The following SPECC1 variants were observed in gnomAD, a reference collection of about 807,000 sequenced individuals.
SPECC1 encodes sperm antigen with calponin homology and coiled-coil domains 1.
In SPECC1, 62 loss-of-function variants were observed where a neutral mutation model predicts 104.1. That is an observed-to-expected ratio of 0.60 (90% confidence interval 0.49 to 0.74). SPECC1 has a LOEUF of 0.74. SPECC1 is among the 30% of genes least tolerant of loss of function. SPECC1 has a pLI of 0.00. For synonymous variants in SPECC1, 513 were observed against 501.6 expected, an observed-to-expected ratio of 1.02 and a Z score of -0.30; for missense variants, 1,306 against 1,310.5, an observed-to-expected ratio of 1.00 and a Z score of 0.05.
chr17:20,281,734 T>G (rs2040778136), intron 12 of SPECC1, among the ~76,000 whole-genome samples: 1 of 152,204 alleles, frequency 6.6e-6, no homozygotes, highest in South Asian at 2.1e-4. Flanking sequence ...ACCATGACCT[T>G]TTTTAGAAGC....
intron 4 of SPECC1, among the ~76,000 whole-genome samples, chr17:20,208,002 TAATG>T (rs1401095462): frequency 6.6e-6 from 1 of 152,252 alleles, no homozygotes; most frequent in Admixed American, 6.5e-5. Context: ...CCTTGGTTGA[TAATG>T]AAAGCATTTA....
intron 1 of SPECC1, among the ~76,000 whole-genome samples, chr17:20,072,707 A>C (rs565259058): frequency 1.3e-5 from 2 of 152,342 alleles, no homozygotes; most frequent in African/African-American, 4.8e-5. Context: ...AGGCTCTGCA[A>C]ACCCATGCCA....
At chr17:20,260,088 A>G (rs1473489437) in intron 11 of SPECC1, 104 bp from the exon 12 acceptor site, 2 of 817,656 alleles carry the variant, frequency 2.4e-6, no homozygotes, top group South Asian at 2.3e-5. Flanking sequence ...CTTGCTGGAT[A>G]AACTAGACTT....
intron 12 of SPECC1, among the ~76,000 whole-genome samples, chr17:20,285,247 G>A (rs1174513285): frequency 6.6e-6 from 1 of 152,208 alleles, no homozygotes; most frequent in African/African-American, 2.4e-5. Flanking sequence ...CATGAGTGCT[G>A]TCTCTACATT....
intron 12 of SPECC1, among the ~76,000 whole-genome samples, chr17:20,294,886 T>C (rs2041295961): frequency 6.6e-6 from 1 of 152,190 alleles, no homozygotes; most frequent in African/African-American, 2.4e-5. Flanking sequence ...TTTTCCTCAA[T>C]ACTATTCTGT....
At chr17:20,028,976 G>T (rs1299735342) in intron 1 of SPECC1, among the ~76,000 whole-genome samples, 1 of 152,134 alleles carries the variant, frequency 6.6e-6, no homozygotes, top group Admixed American at 6.5e-5. Context: ...TGGTCAGGCT[G>T]ATCTCGAGCT....
At chr17:20,238,197 T>G in intron 7 of SPECC1, 1 of 1,037,690 alleles carries the variant, frequency 9.6e-7, no homozygotes, top group Non-Finnish European at 1.2e-6. Context: ...TTAAGCCGGA[T>G]AGGTAAGCAC....
At chr17:20,018,406 T>G (rs1443158192) in intron 1 of SPECC1, among the ~76,000 whole-genome samples, 5 of 152,258 alleles carry the variant, frequency 3.3e-5, no homozygotes, top group African/African-American at 1.2e-4. Context: ...GTTTATTGTT[T>G]TGGGGACAGG....
intron 12 of SPECC1, among the ~76,000 whole-genome samples, chr17:20,278,716 T>C (rs1334405048): frequency 2.7e-5 from 4 of 150,900 alleles, no homozygotes; most frequent in Non-Finnish European, 5.9e-5. Flanking sequence ...TCTCTCTCTC[T>C]CTCTTTTTTT....
intron 1 of SPECC1, among the ~76,000 whole-genome samples, chr17:20,078,025 G>T (rs1415720384): frequency 6.6e-6 from 1 of 151,830 alleles, no homozygotes; most frequent in Non-Finnish European, 1.5e-5. Context: ...GATGTGTAGA[G>T]AAAGTATTTG....
At chr17:20,063,943 G>A (rs2046276294) in intron 1 of SPECC1, among the ~76,000 whole-genome samples, 1 of 152,182 alleles carries the variant, frequency 6.6e-6, no homozygotes, top group Non-Finnish European at 1.5e-5. Context: ...GAGGTGCTGA[G>A]GGCCAAATGG....
chr17:20,282,557 A>C (rs1326016835), intron 12 of SPECC1, among the ~76,000 whole-genome samples: 1 of 152,252 alleles, frequency 6.6e-6, no homozygotes, highest in Non-Finnish European at 1.5e-5. Flanking sequence ...TTCACCTGGA[A>C]GAATAAGCAA....
At chr17:20,105,100 T>C (rs929048005) in intron 2 of SPECC1, among the ~76,000 whole-genome samples, 3 of 152,052 alleles carry the variant, frequency 2.0e-5, no homozygotes, top group South Asian at 2.1e-4. Context: ...TCTTTTTTTT[T>C]TCGGTGGGGG....
In SPECC1 at chr17:20,293,294, C is replaced by G. The variant is rs139477639; in HGVS notation, c.2941-3667C>G. ...ACCATATTTTAGTACACATCTCCAT[C>G]CTATGCATGTTCTCCAGAACCTCTT... is the stretch of plus-strand genomic sequence containing the variant. On this transcript the variant is annotated intron_variant, in intron 12 of 14. Transcript: ENST00000395527. 2.1e-3 allele frequency among the ~76,000 whole-genome samples: 317 copies of G among 152,168 alleles called. 2 individuals carry two copies. Among genetic ancestry groups the G allele is most frequent in the African/African-American group, 7.2e-3 (299 of 41,512 alleles).
chr17:20,131,021 T>C (rs2049592199), intron 3 of SPECC1, among the ~76,000 whole-genome samples: 1 of 152,244 alleles, frequency 6.6e-6, no homozygotes, highest in African/African-American at 2.4e-5. Context: ...TTGGTGTTTG[T>C]GTGTTCATTG....
At chr17:20,245,010 C>G (rs2039361462) in intron 7 of SPECC1, among the ~76,000 whole-genome samples, 1 of 152,148 alleles carries the variant, frequency 6.6e-6, no homozygotes. Flanking sequence ...AAGAACACAC[C>G]AGGAAACTTG....
At chr17:20,139,901 C>T (rs576328146) in intron 3 of SPECC1, among the ~76,000 whole-genome samples, 67 of 152,204 alleles carry the variant, frequency 4.4e-4, no homozygotes, top group African/African-American at 1.3e-3. Context: ...GTCTTGAACT[C>T]CTGACGTTGT....
chr17:20,202,168 G>A (rs2036475194), intron 3 of SPECC1, among the ~76,000 whole-genome samples: 1 of 152,090 alleles, frequency 6.6e-6, no homozygotes, highest in African/African-American at 2.4e-5. Flanking sequence ...ATTAACTGTA[G>A]TACATACAGT....
intron 3 of SPECC1, chr17:20,156,158 C>T (rs756853865): frequency 2.1e-6 from 3 of 1,435,106 alleles, no homozygotes; most frequent in East Asian, 6.1e-5. Context: ...ACACCCGGTC[C>T]GAGGCCGGCA....
Sources: allele counts gnomAD v4.1 joint callset (sites outside exome capture counted in the v4.1 genomes callset), GRCh38; gene constraint gnomAD v4.1.1; transcripts MANE v1.5; gene names NCBI Gene and HGNC (gene_info 2026-07-23, HGNC 2026-07-21).